The following QKI variants were observed in gnomAD, a reference collection of about 807,000 sequenced individuals.
The protein encoded by QKI is KH domain-containing RNA-binding protein QKI.
A neutral mutation model predicts 39.0 loss-of-function variants in QKI; 10 were observed. The ratio of observed to expected loss-of-function variants is 0.26; its 90% CI spans 0.16 to 0.43. QKI has a LOEUF of 0.43. Ranked by LOEUF, QKI falls within the 20% of genes least tolerant of loss-of-function variation. QKI has a pLI of 1.00. For synonymous variants in QKI, 204 were observed against 155.4 expected (o/e 1.31, Z -2.33); for missense variants, 218 against 428.0 (o/e 0.51, Z 4.33).
Position 163,415,146 on chromosome 6 carries a change from G to GCGT in QKI, c.-46_-45insTCG, listed in dbSNP as rs756714842. 1.7e-5 allele frequency: 16 copies of GCGT among 918,642 alleles called. No homozygotes were observed. Among genetic ancestry groups the GCGT allele is most frequent in the South Asian group, 7.9e-5 (3 of 37,868 alleles). The allele number at this position is 918,642 out of a possible 1,614,324, so 56.9% of individuals were successfully genotyped here. On this transcript the variant is annotated 5_prime_UTR_variant, in exon 1 of 8. Coordinates refer to ENST00000361752, the MANE Select transcript of QKI (RefSeq NM_006775.3). ...CGCCCCCGCCCCTCCCTCCTCTCCG[G>GCGT]CGGCGGCGGCGGCGGCGGCGGGCGG...
At position 163,531,595 on chromosome 6, in the gene QKI, A is replaced by G. The variant is rs111762842; in HGVS notation, c.403-3387A>G. Among the ~76,000 whole-genome samples the G allele has an allele frequency of 9.9e-3, 1,505 of 152,272 alleles. 26 individuals carry two copies. The highest frequency in any genetic ancestry group is 0.035 in the African/African-American group (1,440 of 41,548). ...CTAGAGTCAGGTAAATTTTAAGTTA[A>G]CCATCTGCTTTCTAGATTCTTAATT... is the stretch of plus-strand genomic sequence containing the variant. On this transcript the variant is annotated intron_variant, in intron 3 of 7. Transcript: ENST00000361752.
At chr6:163,551,781 ACATTACACAG>A (rs1193598693) in intron 4 of QKI, among the ~76,000 whole-genome samples, 3 of 152,258 alleles carry the variant, frequency 2.0e-5, no homozygotes, top group Non-Finnish European at 4.4e-5. Flanking sequence ...TGTGATGAAT[ACATTACACAG>A]CATTACCTTG....
intron 2 of QKI, among the ~76,000 whole-genome samples, chr6:163,476,294 T>A (rs78441556): frequency 2.6e-4 from 39 of 151,806 alleles, no homozygotes; most frequent in African/African-American, 7.2e-4. Flanking sequence ...TTTTTTTTTT[T>A]AAATCATCTT....
At chr6:163,439,642 C>T (rs1188839373) in intron 1 of QKI, among the ~76,000 whole-genome samples, 1 of 148,932 alleles carries the variant, frequency 6.7e-6, no homozygotes, top group Admixed American at 6.7e-5. Context: ...GCATGAGCCA[C>T]CGCGTCCTGA....
chr6:163,426,203 T>G (rs1788390427), intron 1 of QKI, among the ~76,000 whole-genome samples: 1 of 152,154 alleles, frequency 6.6e-6, no homozygotes, highest in South Asian at 2.1e-4. Context: ...TACTGCTCAT[T>G]AAATCTGGTT....
chr6:163,495,680 A>G (rs1042202475), intron 3 of QKI, among the ~76,000 whole-genome samples: 1 of 152,124 alleles, frequency 6.6e-6, no homozygotes. Context: ...GATTACATTT[A>G]TTTGCCCTGT....
At position 163,572,330 on chromosome 6, in the gene QKI, G is replaced by A. The variant is rs779986555; in HGVS notation, c.*1620G>A. ...ACCTAGCAAATGTTTTCACAAAAGTGAATCTTTGTGATTTTCATTCTAGAA... is the reference window on the plus strand; with the variant it reads ...ACCTAGCAAATGTTTTCACAAAAGTAAATCTTTGTGATTTTCATTCTAGAA... On this transcript the variant is annotated 3_prime_UTR_variant, in exon 8 of 8. Transcript: ENST00000361752. 1.9e-4 allele frequency: 29 copies of A among 152,126 alleles called. No individual in the cohort carries two copies. Among genetic ancestry groups the A allele is most frequent in the Admixed American group, 1.1e-3 (17 of 15,280 alleles). 9.4% of individuals were successfully genotyped at this position (152,126 alleles called of 1,614,324 possible). A position where few individuals can be genotyped will look rare whatever the true frequency, so the allele number is the denominator to read the frequency against.
At chr6:163,462,839 GA>G (rs1339369461) in intron 2 of QKI, among the ~76,000 whole-genome samples, 1 of 152,144 alleles carries the variant, frequency 6.6e-6, no homozygotes. Flanking sequence ...CAGTTGAAAT[GA>G]AAAGCACAAA....
intron 2 of QKI, among the ~76,000 whole-genome samples, chr6:163,464,476 A>AG (rs1366988004): frequency 6.6e-6 from 1 of 152,170 alleles, no homozygotes; most frequent in East Asian, 1.9e-4. Context: ...ACTAACCAAG[A>AG]GAAAAAAAAG....
At chr6:163,483,737 G>C (rs1412726108) in intron 3 of QKI, among the ~76,000 whole-genome samples, 1 of 152,076 alleles carries the variant, frequency 6.6e-6, no homozygotes, top group Non-Finnish European at 1.5e-5. Context: ...CTTGAGGGTT[G>C]GAATTAACTT....
intron 3 of QKI, among the ~76,000 whole-genome samples, chr6:163,498,096 A>C (rs184860954): frequency 4.0e-5 from 6 of 151,804 alleles, no homozygotes; most frequent in Non-Finnish European, 7.4e-5. Flanking sequence ...AAAAATATGT[A>C]AATCAGTGGA....
At chr6:163,485,205 G>A (rs1016688667) in intron 3 of QKI, among the ~76,000 whole-genome samples, 1 of 152,108 alleles carries the variant, frequency 6.6e-6, no homozygotes, top group Non-Finnish European at 1.5e-5. Flanking sequence ...AGATGAGATC[G>A]GGTGCATTCA....
At chr6:163,430,703 C>T (rs1176809016) in intron 1 of QKI, among the ~76,000 whole-genome samples, 1 of 152,026 alleles carries the variant, frequency 6.6e-6, no homozygotes, top group African/African-American at 2.4e-5. Context: ...TCCCCATCTT[C>T]CCAGTTTGCT....
At chr6:163,542,299 T>TA (rs1781575954) in intron 4 of QKI, among the ~76,000 whole-genome samples, 1 of 152,032 alleles carries the variant, frequency 6.6e-6, no homozygotes. Context: ...TGATATTTCT[T>TA]AGTCAAGACT....
Position 163,575,486 on chromosome 6 carries a change from A to G in QKI, c.*4776A>G, listed in dbSNP as rs1783931940. 1 of 152,224 alleles carries G rather than the reference A, an allele frequency of 6.6e-6. No individual in the cohort carries two copies. 9.4% of individuals were successfully genotyped at this position (152,224 alleles called of 1,614,324 possible). A position where few individuals can be genotyped will look rare whatever the true frequency, so the allele number is the denominator to read the frequency against. ...TGATTGATTGAAACTATTTGACAAA[A>G]CAGTTGAAAGCTGAGCTTTCAGTCA... On this transcript the variant is annotated 3_prime_UTR_variant, in exon 8 of 8. Transcript: ENST00000361752.
chr6:163,563,835 A>G, intron 6 of QKI, 116 bp downstream of exon 6: 1 of 1,485,232 alleles, frequency 6.7e-7, no homozygotes, highest in Admixed American at 2.5e-5. Context: ...GCATTAGGGA[A>G]GACCGAAAAC....
At chr6:163,522,017 C>T (rs1157233492) in intron 3 of QKI, among the ~76,000 whole-genome samples, 5 of 152,098 alleles carry the variant, frequency 3.3e-5, no homozygotes, top group African/African-American at 1.2e-4. Flanking sequence ...AAGGAAGATA[C>T]AGGAAAGAAC....
At chr6:163,493,089 T>C (rs1480061143) in intron 3 of QKI, among the ~76,000 whole-genome samples, 1 of 152,044 alleles carries the variant, frequency 6.6e-6, no homozygotes, top group Non-Finnish European at 1.5e-5. Context: ...TGACCTGATA[T>C]ATTTTGTTTA....
At chr6:163,473,426 G>A (rs1347746341) in intron 2 of QKI, among the ~76,000 whole-genome samples, 1 of 152,176 alleles carries the variant, frequency 6.6e-6, no homozygotes, top group African/African-American at 2.4e-5. Flanking sequence ...GACACAATGA[G>A]GGGCAGAGAA....
Sources: allele counts gnomAD v4.1 joint callset (sites outside exome capture counted in the v4.1 genomes callset), GRCh38; gene constraint gnomAD v4.1.1; transcripts MANE v1.5; gene names NCBI Gene and HGNC (gene_info 2026-07-23, HGNC 2026-07-21).